GXYLT1: variants seen among roughly 807,000 people sequenced by gnomAD.
GXYLT1 encodes glycosyltransferase 8 domain containing 3.
GXYLT1 carries 29 observed loss-of-function variants against 54.0 expected under a neutral mutation model. That is an observed-to-expected ratio of 0.54 (90% CI 0.40 to 0.73). The LOEUF (loss-of-function observed/expected upper bound fraction) is 0.73, where lower values mean the gene tolerates loss of function less well. Among genes scored for constraint, GXYLT1 ranks in the 30% least tolerant of loss-of-function variants. The probability of loss-of-function intolerance (pLI) is 0.00; values close to 1 mark genes in which losing one functional copy is unlikely to be tolerated. For synonymous variants in GXYLT1, 176 were observed against 204.1 expected (o/e 0.86, Z 1.17); for missense variants, 490 against 553.4 (o/e 0.89, Z 1.15).
chr12:42,136,597 T>A (rs916284911), intron 1 of GXYLT1, among the ~76,000 whole-genome samples: 4 of 152,122 alleles, frequency 2.6e-5, no homozygotes, highest in Non-Finnish European at 5.9e-5. Context: ...GACCAAGGGG[T>A]AGCACAAGGT....
At chr12:42,132,068 A>G (rs1041945993) in intron 1 of GXYLT1, among the ~76,000 whole-genome samples, 2 of 152,210 alleles carry the variant, frequency 1.3e-5, no homozygotes, top group Non-Finnish European at 2.9e-5. Flanking sequence ...TATAAAATTA[A>G]TTAAAATTAT....
At chr12:42,090,793 A>G (rs538416728) in intron 7 of GXYLT1, among the ~76,000 whole-genome samples, 1 of 152,366 alleles carries the variant, frequency 6.6e-6, no homozygotes, top group Non-Finnish European at 1.5e-5. Context: ...AAAGTAAATC[A>G]AAGTTAACAC....
At chr12:42,130,079 G>A (rs1951663737) in intron 1 of GXYLT1, among the ~76,000 whole-genome samples, 1 of 152,120 alleles carries the variant, frequency 6.6e-6, no homozygotes, top group Non-Finnish European at 1.5e-5. Context: ...ACTATAGATT[G>A]GGAAACAGTG....
Position 42,119,157 on chromosome 12 carries a change from A to AT in GXYLT1, c.328dup (p.Ile110AsnfsTer5). 1 of 1,613,952 alleles carries AT rather than the reference A, an allele frequency of 6.2e-7. No homozygotes were observed. The highest frequency in any genetic ancestry group is 1.1e-5 in the South Asian group (1 of 91,056). On this transcript the variant is annotated frameshift_variant, in exon 3 of 8. Coordinates refer to ENST00000398675, the MANE Select transcript of GXYLT1 (RefSeq NM_173601.2). LOFTEE classifies it high-confidence loss of function. ...TAGATGCATTTTCTCAACAGGCTGT[A>AT]TTTTCAGACTGTACCTAATAGGAAA...
chr12:42,135,164 A>G (rs2065612735), intron 1 of GXYLT1, among the ~76,000 whole-genome samples: 1 of 152,204 alleles, frequency 6.6e-6, no homozygotes. Context: ...TTCAAATGGG[A>G]CTGTGTTGTT....
chr12:42,126,262 C>T (rs1370280490), intron 2 of GXYLT1, among the ~76,000 whole-genome samples: 2 of 151,800 alleles, frequency 1.3e-5, no homozygotes, highest in African/African-American at 2.4e-5. Flanking sequence ...TTAGTTGAGA[C>T]GGGGTTTCAC....
At chr12:42,140,547 C>G (rs532051735) in intron 1 of GXYLT1, among the ~76,000 whole-genome samples, 1 of 145,856 alleles carries the variant, frequency 6.9e-6, no homozygotes, top group Non-Finnish European at 1.5e-5. Flanking sequence ...TCTCTGATGA[C>G]GAAAACAAGT....
chr12:42,109,310 G>A (rs1024788506), intron 4 of GXYLT1, among the ~76,000 whole-genome samples: 5 of 152,034 alleles, frequency 3.3e-5, no homozygotes, highest in South Asian at 4.1e-4. Flanking sequence ...AGAGTTCACC[G>A]CAACTGAATA....
Position 42,144,700 on chromosome 12 carries a change from T to G in GXYLT1, c.-54A>C. The G allele has an allele frequency of 8.8e-7, 1 of 1,135,966 alleles. No homozygotes were observed. Among genetic ancestry groups the G allele is most frequent in the Non-Finnish European group, 1.2e-6 (1 of 847,322 alleles). 70.4% of individuals were successfully genotyped at this position (1,135,966 alleles called of 1,614,324 possible). A position where few individuals can be genotyped will look rare whatever the true frequency, so the allele number is the denominator to read the frequency against. ...CGCCGCCGCGCCCGCCCCGACGAAC[T>G]GGAGCGGAGGGAGGGGCACCGCGCA... On this transcript the variant is annotated 5_prime_UTR_variant, in exon 1 of 8. Coordinates refer to ENST00000398675, the MANE Select transcript of GXYLT1 (RefSeq NM_173601.2).
intron 3 of GXYLT1, among the ~76,000 whole-genome samples, chr12:42,115,060 G>C (rs575446109): frequency 6.6e-6 from 1 of 152,122 alleles, no homozygotes; most frequent in Non-Finnish European, 1.5e-5. Flanking sequence ...TGCAGAAAAG[G>C]CTTTTGACAA....
chr12:42,109,243 G>A (rs774632137), intron 4 of GXYLT1, among the ~76,000 whole-genome samples: 16 of 152,238 alleles, frequency 1.1e-4, no homozygotes, highest in Non-Finnish European at 1.8e-4. Flanking sequence ...CATTTCTGCT[G>A]GCAACAGACT....
intron 3 of GXYLT1, among the ~76,000 whole-genome samples, chr12:42,115,082 G>C (rs1008773762): frequency 5.3e-5 from 8 of 152,000 alleles, no homozygotes; most frequent in South Asian, 4.2e-4. Context: ...ATTCAACAAC[G>C]CTTCATGCTA....
At chr12:42,122,614 T>A (rs1010831056) in intron 2 of GXYLT1, among the ~76,000 whole-genome samples, 1 of 151,882 alleles carries the variant, frequency 6.6e-6, no homozygotes, top group Admixed American at 6.6e-5. Flanking sequence ...AGTGAACACA[T>A]CGTCAAAAAA....
At chr12:42,109,723 TC>T in intron 3 of GXYLT1, 32 bp from the exon 4 acceptor site, 2 of 1,355,314 alleles carry the variant, frequency 1.5e-6, no homozygotes, top group Non-Finnish European at 2.0e-6. Flanking sequence ...CTGTTTAGTT[TC>T]ACTCTGAATT....
intron 1 of GXYLT1, among the ~76,000 whole-genome samples, chr12:42,130,844 G>A (rs1282081594): frequency 6.6e-6 from 1 of 152,140 alleles, no homozygotes; most frequent in Non-Finnish European, 1.5e-5. Context: ...CTACTCAGGA[G>A]GCTGTGGTGG....
At chr12:42,120,679 C>T (rs1159537991) in intron 2 of GXYLT1, among the ~76,000 whole-genome samples, 1 of 151,906 alleles carries the variant, frequency 6.6e-6, no homozygotes, top group Non-Finnish European at 1.5e-5. Flanking sequence ...CACAGATGTG[C>T]GACCACCATG....
intron 1 of GXYLT1, among the ~76,000 whole-genome samples, chr12:42,132,524 T>C (rs1447501136): frequency 6.6e-6 from 1 of 152,214 alleles, no homozygotes; most frequent in African/African-American, 2.4e-5. Context: ...CTATTAACAT[T>C]TTCGTATCTT....
rs112248182 is a variant in GXYLT1 at position 42,094,914 on chromosome 12, T to C, written c.1161+2528A>G. Among the ~76,000 whole-genome samples, 709 of 152,252 alleles carry C rather than the reference T, an allele frequency of 4.7e-3. 2 individuals are homozygous for C. Among genetic ancestry groups the C allele is most frequent in the African/African-American group, 0.017 (687 of 41,544 alleles). On this transcript the variant is annotated intron_variant, in intron 7 of 7. Transcript: ENST00000398675. Reference sequence around the variant, plus strand: ...TGCTAAAAGCTACTGAATTATATATTTGAAATGGGTGAACTTTGTGGTATA... The same window carrying C: ...TGCTAAAAGCTACTGAATTATATATCTGAAATGGGTGAACTTTGTGGTATA...
intron 3 of GXYLT1, among the ~76,000 whole-genome samples, chr12:42,112,905 G>A (rs1254693150): frequency 1.3e-5 from 2 of 151,254 alleles, no homozygotes; most frequent in African/African-American, 2.5e-5. Flanking sequence ...CCCTCAAAGG[G>A]AAGCCCATCA....
Sources: allele counts gnomAD v4.1 joint callset (sites outside exome capture counted in the v4.1 genomes callset), GRCh38; gene constraint gnomAD v4.1.1; transcripts MANE v1.5; gene names NCBI Gene and HGNC (gene_info 2026-07-23, HGNC 2026-07-21).